Variants in LRRC7 observed in about 807,000 individuals in gnomAD.
LRRC7 encodes leucine rich repeat containing 7.
In LRRC7, 23 loss-of-function variants were observed where a neutral mutation model predicts 175.7. That is an observed-to-expected ratio of 0.13 (90% confidence interval 0.09 to 0.19). The LOEUF (loss-of-function observed/expected upper bound fraction) is 0.19. Ranked by LOEUF, LRRC7 falls within the 10% of genes least tolerant of loss-of-function variation. The probability of loss-of-function intolerance (pLI) is 1.00; values close to 1 mark genes in which losing one functional copy is unlikely to be tolerated. For synonymous variants in LRRC7, 685 were observed against 680.9 expected (o/e 1.01, Z -0.09); for missense variants, 1,354 against 1,904.7 (o/e 0.71, Z 5.38).
At chr1:69,884,579 C>G (rs1686973882) in intron 7 of LRRC7, among the ~76,000 whole-genome samples, 1 of 138,530 alleles carries the variant, frequency 7.2e-6, no homozygotes, top group Admixed American at 6.9e-5. Flanking sequence ...AATTTGACTT[C>G]CTCTTTTCCT....
chr1:70,139,761 C>T lies in LRRC7; in HGVS notation c.*17874C>T, dbSNP rs546525500. The T allele has an allele frequency of 1.1e-4, 16 of 152,192 alleles. No individual in the cohort carries two copies. Among genetic ancestry groups the T allele is most frequent in the African/African-American group, 3.4e-4 (14 of 41,524 alleles). The allele number at this position is 152,192 out of a possible 1,614,324, so 9.4% of individuals were successfully genotyped here. ...GGTTTTCAGGAAAGCTTCGGAGACA[C>T]GGCAGGTACAGTCTCCTTAGAGCCT... On this transcript the variant is annotated 3_prime_UTR_variant, in exon 27 of 27. Transcript: ENST00000651989.
At chr1:69,849,802 G>A (rs1234112494) in intron 7 of LRRC7, among the ~76,000 whole-genome samples, 1 of 151,970 alleles carries the variant, frequency 6.6e-6, no homozygotes, top group Non-Finnish European at 1.5e-5. Context: ...ATACTGATAA[G>A]TTCTCACTTT....
intron 4 of LRRC7, among the ~76,000 whole-genome samples, chr1:69,796,189 A>G (rs1296022005): frequency 2.3e-5 from 3 of 132,836 alleles, no homozygotes; most frequent in African/African-American, 5.8e-5. Context: ...TCATTGTTCA[A>G]TTCCCACCTA....
intron 10 of LRRC7, among the ~76,000 whole-genome samples, chr1:69,993,865 T>C (rs1444296555): frequency 6.6e-6 from 1 of 152,190 alleles, no homozygotes; most frequent in African/African-American, 2.4e-5. Context: ...TTATGCCAAA[T>C]GCAGCTGTTC....
At chr1:69,581,600 A>G (rs1646203828) in intron 1 of LRRC7, among the ~76,000 whole-genome samples, 2 of 152,186 alleles carry the variant, frequency 1.3e-5, no homozygotes, top group Non-Finnish European at 2.9e-5. Flanking sequence ...ACGCTGACAT[A>G]TTGAAGAAGC....
intron 2 of LRRC7, among the ~76,000 whole-genome samples, chr1:69,700,501 T>C (rs2100693814): frequency 6.6e-6 from 1 of 152,296 alleles, no homozygotes; most frequent in East Asian, 1.9e-4. Flanking sequence ...CCTAGCAGAA[T>C]CCCACATTAA....
chr1:70,118,932 T>C (rs1666038023), intron 26 of LRRC7, among the ~76,000 whole-genome samples: 1 of 151,954 alleles, frequency 6.6e-6, no homozygotes, highest in Admixed American at 6.6e-5. Context: ...GAAGAAGAGG[T>C]TTTTTGAACT....
At chr1:69,823,438 T>C (rs1169494361) in intron 4 of LRRC7, among the ~76,000 whole-genome samples, 1 of 152,206 alleles carries the variant, frequency 6.6e-6, no homozygotes, top group Non-Finnish European at 1.5e-5. Context: ...AAGAAAAATG[T>C]CATGAAGTCT....
At chr1:69,744,929 G>A (rs1231432482) in intron 2 of LRRC7, among the ~76,000 whole-genome samples, 1 of 151,776 alleles carries the variant, frequency 6.6e-6, no homozygotes, top group Non-Finnish European at 1.5e-5. Context: ...ATGTAAAGAT[G>A]TACCCTTTAT....
intron 4 of LRRC7, among the ~76,000 whole-genome samples, chr1:69,795,104 T>A (rs984037436): frequency 6.6e-6 from 1 of 152,138 alleles, no homozygotes; most frequent in African/African-American, 2.4e-5. Context: ...TGTCACTGCC[T>A]GGCGCAGTGA....
intron 24 of LRRC7, among the ~76,000 whole-genome samples, chr1:70,084,097 C>T (rs1164094849): frequency 3.3e-5 from 5 of 152,004 alleles, no homozygotes; most frequent in Non-Finnish European, 7.4e-5. Flanking sequence ...CAGATCTAGC[C>T]CCACCTTCCT....
At chr1:69,952,894 T>C (rs1409876369) in intron 8 of LRRC7, among the ~76,000 whole-genome samples, 1 of 149,392 alleles carries the variant, frequency 6.7e-6, no homozygotes, top group Non-Finnish European at 1.5e-5. Flanking sequence ...TTTTTTGAAC[T>C]CCTACTGTTT....
chr1:70,039,403 AAGC>A lies in LRRC7; in HGVS notation c.3583_3585del (p.Ser1195del). ...CATATAGGGGAGGGCTGGATCGCCA[AAGC>A]AGCGTTACAGTGACTGAGTCCCAGT... On this transcript the variant is annotated inframe_deletion, in exon 21 of 27. Coordinates refer to ENST00000651989, the MANE Select transcript of LRRC7 (RefSeq NM_001370785.2). 1 of 1,614,154 alleles carries A rather than the reference AAGC, an allele frequency of 6.2e-7. No homozygotes were observed. The highest frequency in any genetic ancestry group is 8.5e-7 in the Non-Finnish European group (1 of 1,180,026).
intron 3 of LRRC7, among the ~76,000 whole-genome samples, chr1:69,760,971 ACACACACACACGTGCACACCTG>A (rs1211203519): frequency 2.6e-5 from 4 of 151,730 alleles, no homozygotes; most frequent in Non-Finnish European, 4.4e-5. Context: ...ACACACACAC[ACACACACACACGTGCACACCTG>A]CACACACACA....
At position 69,806,397 on chromosome 1, in the gene LRRC7, G is replaced by A. The variant is rs559669499; in HGVS notation, c.421+14237G>A. Among the ~76,000 whole-genome samples the A allele has an allele frequency of 4.6e-5, 7 of 152,004 alleles. No homozygotes were observed. The South Asian group carries it at 1.5e-3, about 32-fold the overall frequency. ...TCATTCCCATGTGAACTTACTGTTGGCCAAGGTCATAAGCACTCCTCAAAA... is the reference window on the plus strand; with the variant it reads ...TCATTCCCATGTGAACTTACTGTTGACCAAGGTCATAAGCACTCCTCAAAA... On this transcript the variant is annotated intron_variant, in intron 4 of 26. Coordinates refer to ENST00000651989, the MANE Select transcript of LRRC7 (RefSeq NM_001370785.2).
intron 7 of LRRC7, among the ~76,000 whole-genome samples, chr1:69,861,165 CA>C (rs1407002724): frequency 6.6e-6 from 1 of 151,968 alleles, no homozygotes; most frequent in East Asian, 1.9e-4. Context: ...TATGTATATA[CA>C]AAGCATTTTT....
At chr1:69,600,507 G>A (rs1647010287) in intron 1 of LRRC7, among the ~76,000 whole-genome samples, 1 of 152,144 alleles carries the variant, frequency 6.6e-6, no homozygotes, top group African/African-American at 2.4e-5. Context: ...AGGCTTTTGA[G>A]AGGAAGGCAA....
chr1:69,606,251 A>T (rs1009937494), intron 1 of LRRC7, among the ~76,000 whole-genome samples: 1 of 152,144 alleles, frequency 6.6e-6, no homozygotes, highest in African/African-American at 2.4e-5. Context: ...GAGCTGGTTC[A>T]AAGCTATTCA....
At chr1:69,606,826 C>T (rs1444670507) in intron 1 of LRRC7, 2 of 152,036 alleles carry the variant, frequency 1.3e-5, no homozygotes, top group Admixed American at 6.6e-5. Flanking sequence ...TTGGTTAATA[C>T]TTTCTTTTTT....
Sources: gnomAD v4.1 joint callset for allele counts (sites outside exome capture counted in the v4.1 genomes callset) on GRCh38, gnomAD v4.1.1 for gene constraint, MANE v1.5 for transcripts, NCBI Gene and HGNC (gene_info 2026-07-23, HGNC 2026-07-21) for gene names.